The following KCNK13 variants were observed in gnomAD, a reference collection of about 807,000 sequenced individuals.
The protein encoded by KCNK13 is potassium channel subfamily K member 13.
KCNK13 carries 12 observed loss-of-function variants against 23.4 expected under a neutral mutation model. That is an observed-to-expected ratio of 0.51 (90% confidence interval 0.33 to 0.83). The LOEUF is 0.83. Ranked by LOEUF, KCNK13 falls within the 40% of genes least tolerant of loss-of-function variation. KCNK13 has a pLI of 0.02. For missense variants in KCNK13, 463 were observed against 556.3 expected (o/e 0.83, Z 1.69); for synonymous variants, 231 against 229.5 (o/e 1.01, Z -0.06).
chr14:90,115,616 A>C (rs1465684099), intron 1 of KCNK13, among the ~76,000 whole-genome samples: 1 of 152,190 alleles, frequency 6.6e-6, no homozygotes, highest in African/African-American at 2.4e-5. Flanking sequence ...GCAACTGCTC[A>C]ACTTTGCGAC....
At chr14:90,167,899 A>G (rs1157064756) in intron 1 of KCNK13, among the ~76,000 whole-genome samples, 2 of 152,154 alleles carry the variant, frequency 1.3e-5, no homozygotes, top group Non-Finnish European at 2.9e-5. Context: ...TCCTTTATCA[A>G]CATGTAGGAA....
At chr14:90,174,690 C>CA (rs1447978033) in intron 1 of KCNK13, among the ~76,000 whole-genome samples, 1 of 151,826 alleles carries the variant, frequency 6.6e-6, no homozygotes, top group Non-Finnish European at 1.5e-5. Context: ...TTCATCTCTA[C>CA]AAAAAATCCA....
intron 1 of KCNK13, among the ~76,000 whole-genome samples, chr14:90,131,392 C>G (rs1287169808): frequency 1.3e-5 from 2 of 152,002 alleles, no homozygotes; most frequent in Admixed American, 1.3e-4. Flanking sequence ...CCACCACACC[C>G]AGCTAATTTT....
At chr14:90,095,530 A>G (rs924677612) in intron 1 of KCNK13, among the ~76,000 whole-genome samples, 19 of 151,908 alleles carry the variant, frequency 1.3e-4, no homozygotes, top group African/African-American at 4.6e-4. Flanking sequence ...TTGGGTGAAG[A>G]CCCCAGAAGG....
chr14:90,078,308 TACTC>T (rs760427191), intron 1 of KCNK13, among the ~76,000 whole-genome samples: 13 of 151,168 alleles, frequency 8.6e-5, no homozygotes, highest in South Asian at 2.1e-4. Flanking sequence ...TAATCCCAAA[TACTC>T]AGGAGGCTAA....
At chr14:90,099,562 C>T (rs1033755766) in intron 1 of KCNK13, among the ~76,000 whole-genome samples, 3 of 152,134 alleles carry the variant, frequency 2.0e-5, no homozygotes, top group Non-Finnish European at 2.9e-5. Flanking sequence ...CAACAATTGG[C>T]TGTATATATA....
At chr14:90,092,845 G>C (rs1489838528) in intron 1 of KCNK13, among the ~76,000 whole-genome samples, 1 of 148,242 alleles carries the variant, frequency 6.7e-6, no homozygotes, top group Non-Finnish European at 1.5e-5. Context: ...CCAGGAGGTC[G>C]AGGCTGCAGT....
At chr14:90,123,838 T>C (rs1889766526) in intron 1 of KCNK13, among the ~76,000 whole-genome samples, 1 of 152,174 alleles carries the variant, frequency 6.6e-6, no homozygotes, top group Admixed American at 6.6e-5. Context: ...TCTCACTGTG[T>C]TGCCCAGGCT....
intron 1 of KCNK13, among the ~76,000 whole-genome samples, chr14:90,100,285 A>G (rs11850292): frequency 0.22 from 33,742 of 152,154 alleles, 3,806 homozygotes; most frequent in Middle Eastern, 0.27. Context: ...ACTCTATAAT[A>G]GGTGCCGTGG....
At chr14:90,157,513 G>A (rs4900023) in intron 1 of KCNK13, among the ~76,000 whole-genome samples, 60,545 of 151,604 alleles carry the variant, frequency 0.4, 12,681 homozygotes, top group East Asian at 0.84. Context: ...CTCTCGCTCC[G>A]GCCTCCCGAG....
chr14:90,130,537 G>C (rs2140422401), intron 1 of KCNK13, among the ~76,000 whole-genome samples: 1 of 151,752 alleles, frequency 6.6e-6, no homozygotes, highest in South Asian at 2.1e-4. Context: ...TGTTGGCCGG[G>C]CACAGTCGCC....
At chr14:90,099,262 C>T (rs970808038) in intron 1 of KCNK13, among the ~76,000 whole-genome samples, 14 of 152,128 alleles carry the variant, frequency 9.2e-5, no homozygotes, top group African/African-American at 2.4e-4. Context: ...TGAACTTTCA[C>T]GTGAGGAATG....
chr14:90,120,711 G>A (rs80304590), intron 1 of KCNK13, among the ~76,000 whole-genome samples: 41,467 of 151,812 alleles, frequency 0.27, 5,836 homozygotes, highest in East Asian at 0.36. Flanking sequence ...TGAGATTTGG[G>A]TGGGGACACA....
At chr14:90,072,283 C>T (rs910602721) in intron 1 of KCNK13, among the ~76,000 whole-genome samples, 1 of 152,174 alleles carries the variant, frequency 6.6e-6, no homozygotes, top group African/African-American at 2.4e-5. Context: ...TGTCTCTCAA[C>T]GAATCGCCTC....
intron 1 of KCNK13, among the ~76,000 whole-genome samples, chr14:90,096,669 G>A (rs944567385): frequency 3.9e-5 from 6 of 152,220 alleles, no homozygotes; most frequent in Non-Finnish European, 8.8e-5. Flanking sequence ...TACAGGGGTA[G>A]TTCATGGAAC....
intron 1 of KCNK13, among the ~76,000 whole-genome samples, chr14:90,092,173 T>C (rs559705176): frequency 1.1e-4 from 16 of 152,282 alleles, no homozygotes; most frequent in East Asian, 5.8e-4. Context: ...CTGCCCGCCT[T>C]GGCCTCCCAA....
intron 1 of KCNK13, among the ~76,000 whole-genome samples, chr14:90,166,849 G>T (rs532400577): frequency 6.6e-6 from 1 of 152,184 alleles, no homozygotes; most frequent in Non-Finnish European, 1.5e-5. Flanking sequence ...AGCTCTGATT[G>T]GTGCCCTGCA....
chr14:90,101,349 C>T (rs767899539), intron 1 of KCNK13, among the ~76,000 whole-genome samples: 21 of 152,076 alleles, frequency 1.4e-4, no homozygotes, highest in Non-Finnish European at 2.2e-4. Context: ...TTGTCCCGGA[C>T]CAGAGTGTTG....
intron 1 of KCNK13, among the ~76,000 whole-genome samples, chr14:90,109,771 C>T (rs1361238602): frequency 1.3e-5 from 2 of 150,414 alleles, no homozygotes; most frequent in African/African-American, 4.9e-5. Flanking sequence ...TGCAATGGTG[C>T]AATCACGGCT....
Sources: gnomAD v4.1 joint callset for allele counts (sites outside exome capture counted in the v4.1 genomes callset) on GRCh38, gnomAD v4.1.1 for gene constraint, MANE v1.5 for transcripts, NCBI Gene and HGNC (gene_info 2026-07-23, HGNC 2026-07-21) for gene names.